MAST4: variants seen among roughly 807,000 people sequenced by gnomAD.
MAST4 encodes microtubule associated serine/threonine kinase family member 4, also known as microtubule-associated serine/threonine-protein kinase 4.
Under a neutral mutation model 162.7 loss-of-function variants are expected in MAST4, and 89 were observed. The ratio of observed to expected loss-of-function variants is 0.55; its 90% confidence interval spans 0.46 to 0.65. The LOEUF is 0.65. MAST4 is among the 30% of genes least tolerant of loss of function. The probability of loss-of-function intolerance (pLI) is 0.00; values close to 1 mark genes in which losing one functional copy is unlikely to be tolerated. For missense variants in MAST4, 3,153 were observed against 3,374.0 expected (o/e 0.93, Z 1.62); for synonymous variants, 1,479 against 1,361.1 (o/e 1.09, Z -1.91).
At chr5:66,884,070 T>G (rs1257316399) in intron 3 of MAST4, among the ~76,000 whole-genome samples, 1 of 152,198 alleles carries the variant, frequency 6.6e-6, no homozygotes, top group Non-Finnish European at 1.5e-5. Flanking sequence ...AGTCTCCATT[T>G]TTCTTGTGGT....
intron 3 of MAST4, among the ~76,000 whole-genome samples, chr5:66,881,124 G>C (rs1346027712): frequency 2.6e-5 from 4 of 152,144 alleles, no homozygotes; most frequent in Non-Finnish European, 5.9e-5. Context: ...TGCTATCTTT[G>C]TAGCAAATTT....
chr5:66,758,264 A>G lies in MAST4; in HGVS notation c.364-1445A>G, dbSNP rs192912178. ...TAATGAATACAGTTATGCTTAGGGG[A>G]ATCTTTTAGCAGCTAAGCCGATGAG... On this transcript the variant is annotated intron_variant, in intron 1 of 28. Coordinates refer to ENST00000403625, the MANE Select transcript of MAST4 (RefSeq NM_001164664.2). 9.2e-5 allele frequency among the ~76,000 whole-genome samples: 14 copies of G among 152,076 alleles called. No individual in the cohort carries two copies. The East Asian group carries it at 2.7e-3, about 29-fold the overall frequency.
chr5:67,131,817 A>C lies in MAST4; in HGVS notation c.1959A>C (p.Gly653=). Residue 653 remains glycine, a synonymous_variant, in exon 16 of 29, where the codon GGA becomes GGC. Transcript: ENST00000403625. ...ACTCTTTTTCCTGTGTTACAGGGGG[A>C]GACTGTGCTACTTTAATGAAAAACA... ...LCMVMEYVEG[G]DCATLMKNMG... is the part of the protein sequence containing the mutation. The C allele has an allele frequency of 6.2e-7, 1 of 1,612,536 alleles. No individual in the cohort carries two copies. Among genetic ancestry groups the C allele is most frequent in the South Asian group, 1.1e-5 (1 of 90,984 alleles).
intron 1 of MAST4, among the ~76,000 whole-genome samples, chr5:66,659,623 T>C (rs1237701854): frequency 6.6e-6 from 1 of 152,234 alleles, no homozygotes; most frequent in African/African-American, 2.4e-5. Context: ...TTTTTTGTTA[T>C]CATGTATTTA....
chr5:67,162,158 T>C (rs1581770018), intron 27 of MAST4, among the ~76,000 whole-genome samples: 2 of 152,202 alleles, frequency 1.3e-5, no homozygotes, highest in South Asian at 4.1e-4. Flanking sequence ...AGCCCTTCAT[T>C]GGCCTCTGCC....
chr5:66,919,285 C>T (rs1764324556), intron 4 of MAST4, among the ~76,000 whole-genome samples: 2 of 152,058 alleles, frequency 1.3e-5, no homozygotes, highest in Admixed American at 1.3e-4. Flanking sequence ...AAAGGATAGT[C>T]AACTTAGAGT....
intron 1 of MAST4, among the ~76,000 whole-genome samples, chr5:66,653,438 C>T (rs1196693169): frequency 2.6e-5 from 4 of 152,220 alleles, no homozygotes; most frequent in Non-Finnish European, 5.9e-5. Context: ...GGCCAGCCCC[C>T]TCACAGTGCC....
intron 4 of MAST4, among the ~76,000 whole-genome samples, chr5:66,974,963 CCT>C (rs1282797142): frequency 4.6e-5 from 7 of 152,098 alleles, no homozygotes; most frequent in African/African-American, 1.7e-4. Context: ...CAGGTTCTAA[CCT>C]CTGAAACCTG....
chr5:66,912,485 A>C (rs1763842166), intron 4 of MAST4, among the ~76,000 whole-genome samples: 1 of 152,230 alleles, frequency 6.6e-6, no homozygotes, highest in South Asian at 2.1e-4. Context: ...GAAGCAATGA[A>C]GTATATTTTT....
chr5:66,807,368 C>T (rs967745154), intron 3 of MAST4, among the ~76,000 whole-genome samples: 6 of 152,110 alleles, frequency 3.9e-5, no homozygotes, highest in East Asian at 1.9e-4. Flanking sequence ...CGGTGGCGGG[C>T]GCCTTTAGTC....
rs1765370743 is a variant in MAST4, at chr5:67,104,448, T to A, written c.1229T>A (p.Val410Glu). Residue 410 changes from valine (V) to glutamate (E), a missense_variant, in exon 10 of 29, where the codon GTG (valine) becomes GAG (glutamate). By Grantham distance (121) the Val-to-Glu change is moderately radical. Coordinates refer to ENST00000403625, the MANE Select transcript of MAST4 (RefSeq NM_001164664.2). Reference sequence around the variant, plus strand: ...AACGTTCTACCCTTAGCAGATGGAGTGCTTAGTTTCACTCACCACCAGATT... The same window carrying A: ...AACGTTCTACCCTTAGCAGATGGAGAGCTTAGTTTCACTCACCACCAGATT... The part of the protein sequence containing the change: ...PDNVLPLADG[V>E]LSFTHHQIIE... The A allele has an allele frequency of 6.2e-7, 1 of 1,613,730 alleles. No homozygotes were observed. The highest frequency in any genetic ancestry group is 1.3e-5 in the African/African-American group (1 of 74,888).
chr5:66,702,045 TGTGAGTCCTGA>T (rs1255287271), intron 1 of MAST4, among the ~76,000 whole-genome samples: 4 of 152,340 alleles, frequency 2.6e-5, no homozygotes, highest in African/African-American at 9.6e-5. Context: ...CTCAGATAAT[TGTGAGTCCTGA>T]GTGAGTGCTG....
At chr5:66,808,697 C>A (rs537200542) in intron 3 of MAST4, among the ~76,000 whole-genome samples, 93 of 152,248 alleles carry the variant, frequency 6.1e-4, no homozygotes, top group Non-Finnish European at 1.0e-4. Flanking sequence ...ATCCTTTTGC[C>A]CTGCATTTGG....
intron 4 of MAST4, among the ~76,000 whole-genome samples, chr5:67,046,598 C>G (rs1466485932): frequency 6.6e-6 from 1 of 152,116 alleles, no homozygotes; most frequent in Non-Finnish European, 1.5e-5. Context: ...TGGATAGTGC[C>G]TTTTCTAATA....
intron 4 of MAST4, among the ~76,000 whole-genome samples, chr5:66,998,637 A>G (rs543718460): frequency 6.6e-6 from 1 of 152,262 alleles, no homozygotes; most frequent in East Asian, 1.9e-4. Flanking sequence ...TAGCAAATCC[A>G]TCCTCAATCT....
At chr5:66,893,650 T>A (rs1762502942) in intron 3 of MAST4, among the ~76,000 whole-genome samples, 1 of 152,176 alleles carries the variant, frequency 6.6e-6, no homozygotes, top group South Asian at 2.1e-4. Flanking sequence ...GGATTCTCCA[T>A]CCATCTCACA....
intron 21 of MAST4, 126 bp downstream of exon 21, chr5:67,142,659 C>T (rs528204156): frequency 1.5e-6 from 1 of 653,502 alleles, no homozygotes; most frequent in Admixed American, 2.9e-5. Context: ...GCTTAAACTT[C>T]CTTTTGTTGA....
chr5:66,991,354 C>G (rs1418475834), intron 4 of MAST4, among the ~76,000 whole-genome samples: 1 of 152,150 alleles, frequency 6.6e-6, no homozygotes, highest in Non-Finnish European at 1.5e-5. Context: ...ATATGATGGG[C>G]ATAACCCCTG....
At chr5:66,986,692 C>T (rs2150261201) in intron 4 of MAST4, among the ~76,000 whole-genome samples, 1 of 151,414 alleles carries the variant, frequency 6.6e-6, no homozygotes, top group African/African-American at 2.4e-5. Context: ...ACGATCATAG[C>T]TCACTGCAGC....
Sources: gnomAD v4.1 joint callset for allele counts (sites outside exome capture counted in the v4.1 genomes callset) on GRCh38, gnomAD v4.1.1 for gene constraint, MANE v1.5 for transcripts, NCBI Gene and HGNC (gene_info 2026-07-23, HGNC 2026-07-21) for gene names.